Variants in DEPDC5 observed in about 807,000 individuals in gnomAD.
The protein encoded by DEPDC5 is DEP domain containing 5, GATOR1 subcomplex subunit, also known as GATOR1 complex protein DEPDC5.
Under a neutral mutation model 217.3 loss-of-function variants are expected in DEPDC5, and 73 were observed. That is an observed-to-expected ratio of 0.34 (90% CI 0.28 to 0.41). DEPDC5 has a LOEUF of 0.41. Ranked by LOEUF, DEPDC5 falls within the 10% of genes least tolerant of loss-of-function variation. DEPDC5 has a pLI of 1.00. For synonymous variants in DEPDC5, 733 were observed against 756.7 expected, an observed-to-expected ratio of 0.97 and a Z score of 0.51; for missense variants, 1,675 against 2,070.1, an observed-to-expected ratio of 0.81 and a Z score of 3.70.
chr22:31,879,572 GA>G lies in DEPDC5; in HGVS notation c.3854del (p.Asp1285AlafsTer60). On this transcript the variant is annotated frameshift_variant, in exon 38 of 43. Coordinates refer to ENST00000651528, the MANE Select transcript of DEPDC5 (RefSeq NM_001242896.3). LOFTEE classifies it high-confidence loss of function. Reference sequence around the variant, plus strand: ...CACCTGGCACACAGCAGGAGTGGACGACTTCGCCAGCTTCCAGCGCAAGTGG... The same window carrying G: ...CACCTGGCACACAGCAGGAGTGGACGCTTCGCCAGCTTCCAGCGCAAGTGG... ...ATTWHTAGVDDFASFQRKWFE... is the reference protein window; with the variant it reads ...ATTWHTAGVDXFASFQRKWFE... The G allele has an allele frequency of 6.2e-7, 1 of 1,613,144 alleles. No individual in the cohort carries two copies. Among genetic ancestry groups the G allele is most frequent in the South Asian group, 1.1e-5 (1 of 91,070 alleles).
intron 14 of DEPDC5, among the ~76,000 whole-genome samples, chr22:31,799,461 T>G (rs185557314): frequency 6.6e-6 from 1 of 151,798 alleles, no homozygotes; most frequent in East Asian, 1.9e-4. Context: ...TCATCTGCAT[T>G]AGGTATTTCT....
In DEPDC5 at chr22:31,767,036, C is replaced by T. The variant is rs144942044; in HGVS notation, c.363+368C>T. On this transcript the variant is annotated intron_variant, in intron 6 of 42. Transcript: ENST00000651528. ...CTGAGATTGAGAAGTTAGGTAATTG[C>T]CCAAGGCTAGATAGTAAGTTGACTC... Among the ~76,000 whole-genome samples, 25 of 152,234 alleles carry T rather than the reference C, an allele frequency of 1.6e-4. No homozygotes were observed. The East Asian group carries it at 4.2e-3, about 26-fold the overall frequency.
intron 2 of DEPDC5, among the ~76,000 whole-genome samples, chr22:31,756,342 A>G (rs2081941366): frequency 6.6e-6 from 1 of 152,190 alleles, no homozygotes; most frequent in Non-Finnish European, 1.5e-5. Context: ...CATTTAGCAG[A>G]GTGTTAGACT....
Position 31,876,274 on chromosome 22 carries a change from C to T in DEPDC5, c.3805+9C>T, listed in dbSNP as rs369145178. 67 of 1,611,098 alleles carry T rather than the reference C, an allele frequency of 4.2e-5. No homozygotes were observed. Among genetic ancestry groups the T allele is most frequent in the Middle Eastern group, 3.8e-4 (2 of 5,328 alleles). On this transcript the variant is annotated intron_variant, in intron 37 of 42. Coordinates refer to ENST00000651528, the MANE Select transcript of DEPDC5 (RefSeq NM_001242896.3). ...CAAAGAGCCCGACCGAGGTTAGAGCCGAGGCGAATGCGGTTGCCCACAGGG... is the reference window on the plus strand; with the variant it reads ...CAAAGAGCCCGACCGAGGTTAGAGCTGAGGCGAATGCGGTTGCCCACAGGG...
intron 20 of DEPDC5, chr22:31,814,747 C>A: frequency 1.9e-6 from 1 of 534,174 alleles, no homozygotes; most frequent in South Asian, 2.1e-5. Flanking sequence ...CTGGAGCAGT[C>A]CTTTCTTTAC....
In DEPDC5 at chr22:31,765,048, C is replaced by A. The variant is rs780263580; in HGVS notation, c.267C>A (p.Val89=). 1 of 1,613,512 alleles carries A rather than the reference C, an allele frequency of 6.2e-7. No homozygotes were observed. The highest frequency in any genetic ancestry group is 8.5e-7 in the Non-Finnish European group (1 of 1,179,468). Residue 89 remains valine (V), a synonymous_variant, in exon 5 of 43, where the codon GTC becomes GTA. Transcript: ENST00000651528. The stretch of plus-strand genomic sequence containing the variant: ...CTTATCAGGATGTCTATGTTAATGT[C>A]GTAGACCCTAAGGTATGTCTTTGTT... ...LRPYQDVYVN[V]VDPKDVTLDL...
At chr22:31,792,699 T>C (rs1171784182) in intron 11 of DEPDC5, 46 bp from the exon 12 acceptor site, 2 of 1,449,464 alleles carry the variant, frequency 1.4e-6, no homozygotes, top group Admixed American at 5.2e-5. Context: ...CAAAACTGAA[T>C]TTCTCTTCTC....
chr22:31,809,139 T>C (rs2148693766), intron 18 of DEPDC5, among the ~76,000 whole-genome samples: 1 of 152,304 alleles, frequency 6.6e-6, no homozygotes, highest in South Asian at 2.1e-4. Context: ...TAGTTTTTTT[T>C]CCTCTACCCT....
chr22:31,814,052 T>G (rs2088775883), intron 20 of DEPDC5: 2 of 152,190 alleles, frequency 1.3e-5, no homozygotes, highest in Admixed American at 6.5e-5. Context: ...GGAAAATCAC[T>G]TGAACCCAGG....
intron 8 of DEPDC5, among the ~76,000 whole-genome samples, chr22:31,781,550 A>G (rs2084445814): frequency 6.6e-6 from 1 of 152,038 alleles, no homozygotes; most frequent in African/African-American, 2.4e-5. Context: ...CTCTTGCCTC[A>G]GCCTCCTGAG....
At chr22:31,769,043 G>A (rs1037096562) in intron 7 of DEPDC5, 180 bp downstream of exon 7, 32 of 619,358 alleles carry the variant, frequency 5.2e-5, no homozygotes, top group Non-Finnish European at 5.9e-5. Flanking sequence ...GGCGGATCAC[G>A]AGGTCAGGAG....
At position 31,768,765 on chromosome 22, in the gene DEPDC5, C is replaced by A. The variant is rs1299616151; in HGVS notation, c.364-49C>A. On this transcript the variant is annotated intron_variant, in intron 6 of 42. Transcript: ENST00000651528. Reference sequence around the variant, plus strand: ...TAATCAATCTCTCTCTCTTTCTCACCCTCTCTCCCTCCCTCCCTCTCTCTA... The same window carrying A: ...TAATCAATCTCTCTCTCTTTCTCACACTCTCTCCCTCCCTCCCTCTCTCTA... The A allele has an allele frequency of 4.1e-6, 6 of 1,452,194 alleles. No individual in the cohort carries two copies. The Admixed American group carries it at 7.3e-5, about 18-fold the overall frequency. The allele number at this position is 1,452,194 out of a possible 1,614,324, so 90.0% of individuals were successfully genotyped here.
chr22:31,822,615 A>G (rs1344880765), intron 23 of DEPDC5, 78 bp from the exon 24 acceptor site: 2 of 1,405,860 alleles, frequency 1.4e-6, no homozygotes, highest in African/African-American at 2.8e-5. Context: ...CCTACCTCCC[A>G]CCCCCGGGAT....
intron 24 of DEPDC5, among the ~76,000 whole-genome samples, chr22:31,824,638 GA>G (rs2089988658): frequency 6.6e-6 from 1 of 152,014 alleles, no homozygotes; most frequent in South Asian, 2.1e-4. Flanking sequence ...TCTGTACTCA[GA>G]GGGCTGAAAA....
intron 33 of DEPDC5, among the ~76,000 whole-genome samples, chr22:31,869,470 C>T (rs1481867335): frequency 6.7e-6 from 1 of 150,020 alleles, no homozygotes; most frequent in East Asian, 2.0e-4. Flanking sequence ...GAGTCTGAGG[C>T]AGGAGAATCG....
intron 33 of DEPDC5, 23 bp downstream of exon 33, chr22:31,861,456 G>A (rs375229288): frequency 9.7e-5 from 150 of 1,550,862 alleles, no homozygotes; most frequent in African/African-American, 4.7e-4. Flanking sequence ...CCAGGGCTTC[G>A]CATGCCTGTC....
intron 24 of DEPDC5, among the ~76,000 whole-genome samples, chr22:31,827,355 A>G (rs1041635341): frequency 6.6e-6 from 1 of 152,254 alleles, no homozygotes; most frequent in Non-Finnish European, 1.5e-5. Context: ...TATATCGGAC[A>G]TTAATTTGTT....
At chr22:31,825,559 G>A (rs1053374784) in intron 24 of DEPDC5, among the ~76,000 whole-genome samples, 49 of 152,056 alleles carry the variant, frequency 3.2e-4, no homozygotes, top group African/African-American at 1.0e-3. Flanking sequence ...ATGTCTCCCT[G>A]TTCCTCAGCC....
chr22:31,803,047 G>C (rs1475176577), intron 15 of DEPDC5, among the ~76,000 whole-genome samples: 1 of 152,126 alleles, frequency 6.6e-6, no homozygotes, highest in African/African-American at 2.4e-5. Flanking sequence ...AGATAAGCAG[G>C]TTCCATAATG....
Sources: gnomAD v4.1 joint callset for allele counts (sites outside exome capture counted in the v4.1 genomes callset) on GRCh38, gnomAD v4.1.1 for gene constraint, MANE v1.5 for transcripts, NCBI Gene and HGNC (gene_info 2026-07-23, HGNC 2026-07-21) for gene names.